SLC24A2: variants seen among roughly 807,000 people sequenced by gnomAD.
SLC24A2 encodes the protein solute carrier family 24 member 2.
Under a neutral mutation model 62.0 loss-of-function variants are expected in SLC24A2, and 36 were observed. The ratio of observed to expected loss-of-function variants is 0.58; its 90% CI spans 0.44 to 0.77. The LOEUF (loss-of-function observed/expected upper bound fraction) is 0.77, where lower values mean the gene tolerates loss of function less well. Among genes scored for constraint, SLC24A2 ranks in the 30% least tolerant of loss-of-function variants. SLC24A2 has a pLI of 0.00. For missense variants in SLC24A2, 846 were observed against 817.9 expected (o/e 1.03, Z -0.42); for synonymous variants, 358 against 294.0 (o/e 1.22, Z -2.23).
intron 2 of SLC24A2, among the ~76,000 whole-genome samples, chr9:19,779,511 GA>G (rs1456436431): frequency 6.6e-6 from 1 of 151,984 alleles, no homozygotes; most frequent in Non-Finnish European, 1.5e-5. Flanking sequence ...TATATTTCAA[GA>G]ACAAAAGTGA....
chr9:19,549,645 G>C (rs529274983), intron 8 of SLC24A2, among the ~76,000 whole-genome samples: 34 of 152,280 alleles, frequency 2.2e-4, no homozygotes, highest in African/African-American at 7.0e-4. Context: ...CCTAACCTTT[G>C]AATCATTTCT....
the SLC24A2 span, among the ~76,000 whole-genome samples, chr9:20,211,652 T>A: frequency 6.6e-6 from 1 of 152,232 alleles, no homozygotes; most frequent in African/African-American, 2.4e-5. Context: ...TCAAACATTA[T>A]TCTTAAAAGA....
chr9:19,970,966 C>G, the SLC24A2 span, among the ~76,000 whole-genome samples: 3 of 152,148 alleles, frequency 2.0e-5, no homozygotes, highest in Non-Finnish European at 4.4e-5. Context: ...TCCATTGTCA[C>G]CTAACTTTGT....
chr9:20,293,053 C>A, the SLC24A2 span, among the ~76,000 whole-genome samples: 2 of 152,216 alleles, frequency 1.3e-5, no homozygotes, highest in Non-Finnish European at 2.9e-5. Context: ...TAACATCAAT[C>A]TCTGCCTTGA....
At chr9:20,229,755 T>C in the SLC24A2 span, among the ~76,000 whole-genome samples, 49 of 152,294 alleles carry the variant, frequency 3.2e-4, no homozygotes, top group Admixed American at 1.1e-3. Flanking sequence ...TATTATACTT[T>C]AAGTTTTAGG....
At chr9:19,674,876 G>A (rs1199031465) in intron 2 of SLC24A2, among the ~76,000 whole-genome samples, 1 of 152,126 alleles carries the variant, frequency 6.6e-6, no homozygotes, top group Non-Finnish European at 1.5e-5. Context: ...ATTTCTTCTT[G>A]GTTTGCATCC....
chr9:20,050,571 G>T, the SLC24A2 span, among the ~76,000 whole-genome samples: 2 of 152,164 alleles, frequency 1.3e-5, no homozygotes, highest in Non-Finnish European at 2.9e-5. Context: ...AGTGTTTAAT[G>T]CTTTTTGAAC....
At chr9:20,273,491 G>C in the SLC24A2 span, among the ~76,000 whole-genome samples, 1 of 152,128 alleles carries the variant, frequency 6.6e-6, no homozygotes, top group Non-Finnish European at 1.5e-5. Flanking sequence ...TTGAATCATG[G>C]AGGCGAGTCT....
intron 2 of SLC24A2, among the ~76,000 whole-genome samples, chr9:19,636,388 TCC>T (rs1818352642): frequency 4.0e-5 from 1 of 24,708 alleles, no homozygotes; most frequent in Admixed American, 5.5e-4. Flanking sequence ...TCTTTCTTTC[TCC>T]CTCTCTCTCT....
chr9:20,005,363 T>G, the SLC24A2 span, among the ~76,000 whole-genome samples: 1 of 152,126 alleles, frequency 6.6e-6, no homozygotes, highest in Non-Finnish European at 1.5e-5. Context: ...AAAAACAAAT[T>G]TTGAGGGCTT....
chr9:19,651,105 G>C (rs1479779901), intron 2 of SLC24A2, among the ~76,000 whole-genome samples: 1 of 152,102 alleles, frequency 6.6e-6, no homozygotes, highest in African/African-American at 2.4e-5. Context: ...GTATTAGGTA[G>C]CACAGATCTG....
chr9:19,976,069 T>C, the SLC24A2 span, among the ~76,000 whole-genome samples: 1 of 152,130 alleles, frequency 6.6e-6, no homozygotes, highest in Admixed American at 6.5e-5. Context: ...CTTTTTGCGG[T>C]AACAGAGTCT....
At chr9:19,959,272 T>C in the SLC24A2 span, among the ~76,000 whole-genome samples, 6 of 152,190 alleles carry the variant, frequency 3.9e-5, no homozygotes, top group Admixed American at 3.9e-4. Context: ...AATTGTGGCA[T>C]GCAGAGAGAA....
At chr9:19,885,214 T>C in the SLC24A2 span, among the ~76,000 whole-genome samples, 1 of 152,196 alleles carries the variant, frequency 6.6e-6, no homozygotes, top group Non-Finnish European at 1.5e-5. Flanking sequence ...GTCATGCCCT[T>C]CCTGACCCAT....
the SLC24A2 span, among the ~76,000 whole-genome samples, chr9:20,227,756 T>C: frequency 1.3e-5 from 2 of 152,238 alleles, no homozygotes; most frequent in Non-Finnish European, 2.9e-5. Flanking sequence ...TCTAATGTTA[T>C]TGCCTAAAGT....
chr9:19,848,095 T>TTAA, the SLC24A2 span, among the ~76,000 whole-genome samples: 2 of 152,244 alleles, frequency 1.3e-5, no homozygotes, highest in Non-Finnish European at 2.9e-5. Flanking sequence ...TGCCTTATTA[T>TTAA]TTTAACTATT....
chr9:19,821,350 A>C, the SLC24A2 span, among the ~76,000 whole-genome samples: 1 of 152,142 alleles, frequency 6.6e-6, no homozygotes, highest in African/African-American at 2.4e-5. Flanking sequence ...TTAACATATT[A>C]GTGATGATTG....
At chr9:20,195,343 A>G in the SLC24A2 span, among the ~76,000 whole-genome samples, 1 of 152,284 alleles carries the variant, frequency 6.6e-6, no homozygotes, top group Admixed American at 6.5e-5. Flanking sequence ...AGAATTTCTG[A>G]TATTCCACAT....
chr9:19,778,634 TA>T (rs1244850623), intron 2 of SLC24A2, among the ~76,000 whole-genome samples: 1 of 152,172 alleles, frequency 6.6e-6, no homozygotes, highest in Admixed American at 6.5e-5. Context: ...ACCTGGGTAG[TA>T]AAAAAGTCAA....
Sources: allele counts gnomAD v4.1 joint callset (sites outside exome capture counted in the v4.1 genomes callset), GRCh38; gene constraint gnomAD v4.1.1; transcripts MANE v1.5; gene names NCBI Gene and HGNC (gene_info 2026-07-23, HGNC 2026-07-21).